The following GID4 variants were observed in gnomAD, a reference collection of about 807,000 sequenced individuals.
GID4 encodes the protein glucose-induced degradation protein 4 homolog.
A neutral mutation model predicts 32.4 loss-of-function variants in GID4; 7 were observed. The ratio of observed to expected loss-of-function variants is 0.22; its 90% confidence interval spans 0.12 to 0.41. GID4 has a LOEUF of 0.41. Among genes scored for constraint, GID4 ranks in the 10% least tolerant of loss-of-function variants. GID4 has a pLI of 1.00. For synonymous variants in GID4, 166 were observed against 170.0 expected (o/e 0.98, Z 0.18); for missense variants, 309 against 400.0 (o/e 0.77, Z 1.94).
chr17:18,052,127 A>G (rs111916717), intron 2 of GID4, among the ~76,000 whole-genome samples: 3 of 151,688 alleles, frequency 2.0e-5, no homozygotes, highest in East Asian at 1.9e-4. Flanking sequence ...TTAGGTTTAC[A>G]TTTAGGAAAA....
At chr17:18,051,839 C>T (rs1277412884) in intron 2 of GID4, among the ~76,000 whole-genome samples, 1 of 152,088 alleles carries the variant, frequency 6.6e-6, no homozygotes, top group African/African-American at 2.4e-5. Flanking sequence ...CTTTGGGAGG[C>T]CGAGGCGGGT....
At chr17:18,052,465 A>G (rs1275952073) in intron 2 of GID4, among the ~76,000 whole-genome samples, 1 of 152,166 alleles carries the variant, frequency 6.6e-6, no homozygotes, top group East Asian at 1.9e-4. Flanking sequence ...TTGATGCAGA[A>G]TAAGAGGGGC....
chr17:18,058,076 G>A (rs1038703084), intron 3 of GID4, among the ~76,000 whole-genome samples: 5 of 152,086 alleles, frequency 3.3e-5, no homozygotes, highest in Admixed American at 2.6e-4. Flanking sequence ...CTTGTGATCT[G>A]CCTGCCTTGG....
chr17:18,045,797 G>T (rs1365937625), intron 2 of GID4, among the ~76,000 whole-genome samples: 1 of 151,300 alleles, frequency 6.6e-6, no homozygotes, highest in Non-Finnish European at 1.5e-5. Flanking sequence ...GGGAGTCTGA[G>T]GCACAGAGAA....
At chr17:18,041,047 C>T (rs1035671961) in intron 1 of GID4, among the ~76,000 whole-genome samples, 1 of 152,080 alleles carries the variant, frequency 6.6e-6, no homozygotes, top group African/African-American at 2.4e-5. Context: ...AACTCTTCCT[C>T]CTCTATACCT....
intron 3 of GID4, among the ~76,000 whole-genome samples, chr17:18,058,665 G>A (rs1340668628): frequency 6.6e-6 from 1 of 152,220 alleles, no homozygotes; most frequent in Non-Finnish European, 1.5e-5. Flanking sequence ...CTGGAGTCCA[G>A]GTATCTGCCC....
chr17:18,042,223 T>C (rs117244195), intron 1 of GID4, among the ~76,000 whole-genome samples: 1 of 152,362 alleles, frequency 6.6e-6, no homozygotes, highest in Non-Finnish European at 1.5e-5. Flanking sequence ...CAATAGTTTT[T>C]AGTATATTCA....
intron 2 of GID4, among the ~76,000 whole-genome samples, chr17:18,051,858 A>AG (rs915319597): frequency 5.9e-5 from 9 of 152,064 alleles, no homozygotes; most frequent in African/African-American, 2.2e-4. Context: ...GTGGATCATG[A>AG]GGTCAGGAGA....
At chr17:18,060,731 TTTTG>T (rs1289106919) in intron 4 of GID4, among the ~76,000 whole-genome samples, 1 of 151,862 alleles carries the variant, frequency 6.6e-6, no homozygotes, top group Non-Finnish European at 1.5e-5. Context: ...TTTTGGGTTT[TTTTG>T]TTTGTTTGTT....
At chr17:18,047,266 A>G (rs2044863444) in intron 2 of GID4, among the ~76,000 whole-genome samples, 2 of 152,244 alleles carry the variant, frequency 1.3e-5, no homozygotes, top group African/African-American at 4.8e-5. Flanking sequence ...GGTAGGAGAA[A>G]AGATACTAAA....
At chr17:18,055,344 G>T (rs1485420062) in intron 3 of GID4, among the ~76,000 whole-genome samples, 1 of 152,068 alleles carries the variant, frequency 6.6e-6, no homozygotes, top group African/African-American at 2.4e-5. Context: ...TCTTCCCATT[G>T]CCTCTCACAC....
intron 1 of GID4, among the ~76,000 whole-genome samples, chr17:18,042,525 T>G (rs964235501): frequency 2.0e-5 from 3 of 152,268 alleles, no homozygotes; most frequent in Non-Finnish European, 4.4e-5. Context: ...AATTGTCCAT[T>G]GAATGGATAT....
intron 2 of GID4, among the ~76,000 whole-genome samples, chr17:18,053,526 T>A (rs1381298438): frequency 6.6e-6 from 1 of 151,920 alleles, no homozygotes; most frequent in Non-Finnish European, 1.5e-5. Flanking sequence ...GGTAGGAGAA[T>A]CACATAAACC....
chr17:18,047,074 TAAGAC>T (rs1254112679), intron 2 of GID4, among the ~76,000 whole-genome samples: 1 of 152,184 alleles, frequency 6.6e-6, no homozygotes, highest in African/African-American at 2.4e-5. Context: ...GCCTCAGTCT[TAAGAC>T]AAGTTTCTGG....
chr17:18,045,026 T>C, intron 1 of GID4, 121 bp from the exon 2 acceptor site: 1 of 663,048 alleles, frequency 1.5e-6, no homozygotes, highest in Non-Finnish European at 2.7e-6. Flanking sequence ...GGGTGAGCCT[T>C]GGACTGCCCT....
chr17:18,047,931 C>T (rs2044870587), intron 2 of GID4, among the ~76,000 whole-genome samples: 1 of 150,388 alleles, frequency 6.6e-6, no homozygotes, highest in Non-Finnish European at 1.5e-5. Context: ...GATGGAGTCT[C>T]GCTCAGTCAC....
At chr17:18,062,003 G>A (rs779837744) in intron 5 of GID4, 28 bp downstream of exon 5, 10 of 1,609,732 alleles carry the variant, frequency 6.2e-6, no homozygotes, top group South Asian at 3.3e-5. Flanking sequence ...CAGAGGCCAC[G>A]GGGAGGGCTT....
Position 18,061,833 on chromosome 17 carries a change from A to T in GID4, c.709-12A>T. 1.2e-6 allele frequency: 2 copies of T among 1,613,946 alleles called. No individual in the cohort carries two copies. Among genetic ancestry groups the T allele is most frequent in the Non-Finnish European group, 1.7e-6 (2 of 1,179,928 alleles). On this transcript the variant is annotated splice_polypyrimidine_tract_variant and intron_variant, in intron 4 of 5. Transcript: ENST00000268719. This position sits in a 1 kb window ranked among gnomAD's most constrained non-coding sequence, Gnocchi z 4.4. ...ATGCTATCTGTTACTGACCCTCTTCATCTGTGTGCAGGAACAGTTTCTGGT... is the reference window on the plus strand; with the variant it reads ...ATGCTATCTGTTACTGACCCTCTTCTTCTGTGTGCAGGAACAGTTTCTGGT...
In GID4 at chr17:18,065,289, A is replaced by G. The variant is rs766330483; in HGVS notation, c.*46A>G. ...CAAATAAAACTGAACTTGGCAAAAA[A>G]GAACTTTGCCGAGAAAATTGTGTAC... is the stretch of plus-strand genomic sequence containing the variant. On this transcript the variant is annotated 3_prime_UTR_variant, in exon 6 of 6. Transcript: ENST00000268719. The G allele has an allele frequency of 1.5e-5, 22 of 1,491,008 alleles. No individual in the cohort carries two copies. Among genetic ancestry groups the G allele is most frequent in the East Asian group, 2.3e-5 (1 of 44,292 alleles). 92.4% of individuals were successfully genotyped at this position (1,491,008 alleles called of 1,614,324 possible). A position where few individuals can be genotyped will look rare whatever the true frequency, so the allele number is the denominator to read the frequency against.
Sources: allele counts gnomAD v4.1 joint callset (sites outside exome capture counted in the v4.1 genomes callset), GRCh38; gene constraint gnomAD v4.1.1; non-coding constraint Gnocchi (gnomAD v3.1); transcripts MANE v1.5; gene names NCBI Gene and HGNC (gene_info 2026-07-23, HGNC 2026-07-21).